The following RNF152 variants were observed in gnomAD, a reference collection of about 807,000 sequenced individuals.
RNF152 encodes E3 ubiquitin-protein ligase RNF152.
RNF152 carries 11 observed loss-of-function variants against 12.7 expected under a neutral mutation model. The ratio of observed to expected loss-of-function variants is 0.86; its 90% CI spans 0.54 to 1.43. The LOEUF (loss-of-function observed/expected upper bound fraction) is 1.43. Among genes scored for constraint, RNF152 ranks in the 40% most tolerant of loss-of-function variants. The probability of loss-of-function intolerance (pLI) is 0.00; values close to 1 mark genes in which losing one functional copy is unlikely to be tolerated. For synonymous variants in RNF152, 113 were observed against 120.3 expected (o/e 0.94, Z 0.40); for missense variants, 255 against 274.8 (o/e 0.93, Z 0.51).
At chr18:61,844,110 G>GAA (rs1555702353) in intron 1 of RNF152, among the ~76,000 whole-genome samples, 25 of 137,022 alleles carry the variant, frequency 1.8e-4, no homozygotes, top group East Asian at 1.1e-3. Context: ...AAGAAAGAAA[G>GAA]AAAGAAAGAA....
At chr18:61,825,185 G>C (rs957319107) in intron 1 of RNF152, among the ~76,000 whole-genome samples, 1 of 152,116 alleles carries the variant, frequency 6.6e-6, no homozygotes, top group Non-Finnish European at 1.5e-5. Context: ...GCGTTGCCAT[G>C]GTAAACAAGA....
At chr18:61,830,188 A>G (rs772869956) in intron 1 of RNF152, among the ~76,000 whole-genome samples, 6 of 151,920 alleles carry the variant, frequency 3.9e-5, no homozygotes, top group Non-Finnish European at 8.8e-5. Flanking sequence ...TAGTCTGGCT[A>G]ATTTTTTGTA....
At chr18:61,865,982 C>G (rs1202779416) in intron 1 of RNF152, among the ~76,000 whole-genome samples, 3 of 152,184 alleles carry the variant, frequency 2.0e-5, no homozygotes, top group South Asian at 4.1e-4. Flanking sequence ...TAAATTTCAC[C>G]AAGCCCTGGT....
chr18:61,851,334 C>T (rs948866944), intron 1 of RNF152, among the ~76,000 whole-genome samples: 6 of 152,074 alleles, frequency 3.9e-5, no homozygotes, highest in African/African-American at 1.4e-4. Context: ...GCATCTATAC[C>T]ATATTCCTAC....
At chr18:61,883,334 A>G (rs1428412799) in intron 1 of RNF152, among the ~76,000 whole-genome samples, 3 of 152,162 alleles carry the variant, frequency 2.0e-5, no homozygotes, top group Non-Finnish European at 4.4e-5. Context: ...TTAACTTTAT[A>G]TTTATATTGT....
chr18:61,847,409 C>G (rs1910786255), intron 1 of RNF152, among the ~76,000 whole-genome samples: 2 of 152,194 alleles, frequency 1.3e-5, no homozygotes, highest in South Asian at 4.1e-4. Context: ...ACAGTCAGAG[C>G]TGGTCAAACA....
At chr18:61,839,720 C>G (rs1240334130) in intron 1 of RNF152, among the ~76,000 whole-genome samples, 4 of 152,058 alleles carry the variant, frequency 2.6e-5, no homozygotes, top group African/African-American at 7.2e-5. Context: ...ACAGCGACAC[C>G]CTGTCTCTAC....
chr18:61,870,981 T>C (rs1281013967), intron 1 of RNF152, among the ~76,000 whole-genome samples: 1 of 152,192 alleles, frequency 6.6e-6, no homozygotes, highest in Non-Finnish European at 1.5e-5. Context: ...GACCCCATCC[T>C]GATAATGGCA....
upstream of RNF152, chr18:61,894,096 T>C (rs1913104889): frequency 6.6e-6 from 1 of 152,030 alleles, no homozygotes; most frequent in Admixed American, 6.5e-5. This position sits in a 1 kb window ranked among gnomAD's most constrained non-coding sequence, Gnocchi z 4.9. Flanking sequence ...CACCCCTCTG[T>C]CCGCCCCCGA....
rs560061584 is a variant in RNF152 at position 61,874,778 on chromosome 18, A to G, written c.-136+18017T>C. Among the ~76,000 whole-genome samples the G allele has an allele frequency of 4.6e-5, 7 of 152,344 alleles. 1 individual carries two copies. The highest frequency in any genetic ancestry group is 1.7e-4 in the African/African-American group (7 of 41,582). ...TAAGCATAGTGGGGTATCTAATCCC[A>G]GTCTGGTTCTTAGCTATTGTGTTTT... On this transcript the variant is annotated intron_variant, in intron 1 of 1. Coordinates refer to ENST00000312828, the MANE Select transcript of RNF152 (RefSeq NM_173557.3).
At position 61,811,112 on chromosome 18, in the gene RNF152, G is replaced by A. The variant is rs1370623367; in HGVS notation, c.*4740C>T. Reference sequence around the variant, plus strand: ...GAAGGAAAGTCTTGCACATTGATGAGTTCTAGAAAAAAAAAATCAACCCAT... The same window carrying A: ...GAAGGAAAGTCTTGCACATTGATGAATTCTAGAAAAAAAAAATCAACCCAT... On this transcript the variant is annotated 3_prime_UTR_variant, in exon 2 of 2. Coordinates refer to ENST00000312828, the MANE Select transcript of RNF152 (RefSeq NM_173557.3). 1 of 151,262 alleles carries A rather than the reference G, an allele frequency of 6.6e-6. No individual in the cohort carries two copies. Among genetic ancestry groups the A allele is most frequent in the East Asian group, 1.9e-4 (1 of 5,170 alleles). The allele number at this position is 151,262 out of a possible 1,614,324, so 9.4% of individuals were successfully genotyped here. A position where few individuals can be genotyped will look rare whatever the true frequency, so the allele number is the denominator to read the frequency against.
At chr18:61,836,374 T>C (rs1416844066) in intron 1 of RNF152, among the ~76,000 whole-genome samples, 3 of 152,144 alleles carry the variant, frequency 2.0e-5, no homozygotes, top group Admixed American at 2.0e-4. Flanking sequence ...GTTGAAACCC[T>C]AATCCCCAAT....
At chr18:61,844,220 AAGG>A (rs1910646551) in intron 1 of RNF152, among the ~76,000 whole-genome samples, 2 of 129,756 alleles carry the variant, frequency 1.5e-5, no homozygotes, top group Admixed American at 8.1e-5. Flanking sequence ...GGAGGGAGGG[AAGG>A]AGGGAGACGG....
At chr18:61,869,015 GA>G (rs1219200934) in intron 1 of RNF152, among the ~76,000 whole-genome samples, 3 of 152,146 alleles carry the variant, frequency 2.0e-5, no homozygotes, top group Non-Finnish European at 4.4e-5. Context: ...CCATTTGTAA[GA>G]ACACAGGTTT....
intron 1 of RNF152, among the ~76,000 whole-genome samples, chr18:61,852,101 G>A (rs75453798): frequency 0.078 from 11,890 of 152,200 alleles, 455 homozygotes; most frequent in Middle Eastern, 0.11. Context: ...GGAATATGAC[G>A]AGGCCAGCAG....
chr18:61,840,586 T>A (rs538613831), intron 1 of RNF152, among the ~76,000 whole-genome samples: 11 of 152,162 alleles, frequency 7.2e-5, no homozygotes, highest in African/African-American at 2.4e-4. Context: ...ATAGATGGAT[T>A]TTCAGAGTCC....
chr18:61,824,403 T>G (rs1467433108), intron 1 of RNF152, among the ~76,000 whole-genome samples: 1 of 152,272 alleles, frequency 6.6e-6, no homozygotes, highest in African/African-American at 2.4e-5. Flanking sequence ...ATGGCAGTAC[T>G]GCCAGGCCAC....
chr18:61,854,057 T>G (rs2144700287), intron 1 of RNF152, among the ~76,000 whole-genome samples: 1 of 152,340 alleles, frequency 6.6e-6, no homozygotes, highest in Middle Eastern at 3.4e-3. Flanking sequence ...ATACCTAATC[T>G]TACAACTCCA....
Position 61,816,373 on chromosome 18 carries a change from T to C in RNF152, c.91A>G (p.Lys31Glu). 1 of 1,614,186 alleles carries C rather than the reference T, an allele frequency of 6.2e-7. No individual in the cohort carries two copies. Among genetic ancestry groups the C allele is most frequent in the Non-Finnish European group, 8.5e-7 (1 of 1,180,034 alleles). ...PRRRPKLLDC[K>E]HTCCSVCLQQ... ...AGGCACACTGAACAGCAGGTGTGCT[T>C]GCAGTCCAGCAACTTGGGCCTGCGC... Residue 31 changes from lysine (K) to glutamate (E), a missense_variant, in exon 2 of 2, where the codon AAG (lysine) becomes GAG (glutamate). Transcript: ENST00000312828.
Sources: gnomAD v4.1 joint callset for allele counts (sites outside exome capture counted in the v4.1 genomes callset) on GRCh38, gnomAD v4.1.1 for gene constraint, Gnocchi (gnomAD v3.1) non-coding constraint, MANE v1.5 for transcripts, NCBI Gene and HGNC (gene_info 2026-07-23, HGNC 2026-07-21) for gene names.